Variants in CHSY3 observed in about 807,000 individuals in gnomAD.
CHSY3 encodes the protein N-acetylgalactosaminyl-proteoglycan 3-beta-glucuronosyltransferase 3.
In CHSY3, 35 loss-of-function variants were observed where a neutral mutation model predicts 67.2. The ratio of observed to expected loss-of-function variants is 0.52; its 90% CI spans 0.40 to 0.69. The LOEUF (loss-of-function observed/expected upper bound fraction) is 0.69. CHSY3 is among the 30% of genes least tolerant of loss of function. The pLI, the probability that CHSY3 is intolerant of heterozygous loss-of-function variation, is 0.00. For missense variants in CHSY3, 1,069 were observed against 1,138.5 expected (o/e 0.94, Z 0.88); for synonymous variants, 474 against 434.7 (o/e 1.09, Z -1.12).
intron 2 of CHSY3, among the ~76,000 whole-genome samples, chr5:129,962,441 C>G (rs1484111873): frequency 1.3e-5 from 2 of 152,044 alleles, no homozygotes; most frequent in Non-Finnish European, 2.9e-5. Context: ...TCCAGAGACA[C>G]TGCACAAACT....
chr5:129,914,125 T>C (rs938014559), intron 2 of CHSY3, among the ~76,000 whole-genome samples: 1 of 152,200 alleles, frequency 6.6e-6, no homozygotes, highest in African/African-American at 2.4e-5. Context: ...TCCCTTTTTT[T>C]TTGACACAGA....
intron 2 of CHSY3, among the ~76,000 whole-genome samples, chr5:130,078,676 A>G (rs1442726415): frequency 6.6e-6 from 1 of 152,176 alleles, no homozygotes; most frequent in Non-Finnish European, 1.5e-5. Flanking sequence ...CATAGGATGC[A>G]TAGCTGGTCC....
Position 130,185,574 on chromosome 5 carries a change from A to G in CHSY3, c.2432A>G (p.Tyr811Cys). The change falls in exon 3 of 3, where the codon TAC (tyrosine) becomes TGC (cysteine). Residue 811 changes from tyrosine to cysteine, a missense_variant. By Grantham distance (194) the Tyr-to-Cys change is radical (BLOSUM62 -2). Transcript: ENST00000305031. Reference protein sequence around the residue: ...QGWGLEDVDLYNKVILSGLRP... With the variant: ...QGWGLEDVDLCNKVILSGLRP... ...TGGGGACTAGAAGATGTAGATCTCT[A>G]CAATAAAGTCATTCTATCTGGCTTA... is the stretch of plus-strand genomic sequence containing the variant. 1 of 1,613,288 alleles carries G rather than the reference A, an allele frequency of 6.2e-7. No homozygotes were observed. Among genetic ancestry groups the G allele is most frequent in the Middle Eastern group, 1.6e-4 (1 of 6,062 alleles).
intron 1 of CHSY3, among the ~76,000 whole-genome samples, 188 bp from the exon 2 acceptor site, chr5:129,907,889 T>A (rs1416961711): frequency 6.6e-6 from 1 of 152,224 alleles, no homozygotes; most frequent in East Asian, 1.9e-4. Flanking sequence ...AATTTTAATA[T>A]GTTTAAATTA....
At chr5:130,171,693 A>G (rs1769896912) in intron 2 of CHSY3, among the ~76,000 whole-genome samples, 2 of 151,974 alleles carry the variant, frequency 1.3e-5, no homozygotes, top group Non-Finnish European at 2.9e-5. Flanking sequence ...TAAAATAGCT[A>G]AAAAAAATGA....
At chr5:130,053,120 A>G (rs1765416588) in intron 2 of CHSY3, among the ~76,000 whole-genome samples, 1 of 152,152 alleles carries the variant, frequency 6.6e-6, no homozygotes, top group South Asian at 2.1e-4. Context: ...AAATAGGAAC[A>G]CTTCTAAATT....
intron 2 of CHSY3, among the ~76,000 whole-genome samples, chr5:130,146,498 T>C (rs1769078735): frequency 6.6e-6 from 1 of 152,114 alleles, no homozygotes; most frequent in African/African-American, 2.4e-5. Context: ...AGGCAGAAAT[T>C]ACAATTAGAT....
intron 2 of CHSY3, among the ~76,000 whole-genome samples, chr5:129,941,558 T>G (rs35959012): frequency 0.035 from 5,313 of 152,234 alleles, 126 homozygotes; most frequent in Middle Eastern, 0.054. Flanking sequence ...CATTTAAATT[T>G]TCATACTATG....
At chr5:130,094,807 A>G (rs1766992876) in intron 2 of CHSY3, among the ~76,000 whole-genome samples, 1 of 152,198 alleles carries the variant, frequency 6.6e-6, no homozygotes, top group African/African-American at 2.4e-5. Flanking sequence ...CTGACCTTCC[A>G]TCATTTGGAA....
chr5:130,098,278 TA>T (rs1645604847), intron 2 of CHSY3, among the ~76,000 whole-genome samples: 1 of 152,150 alleles, frequency 6.6e-6, no homozygotes, highest in African/African-American at 2.4e-5. Flanking sequence ...TGCAGTACTT[TA>T]AAAAATCATG....
At chr5:130,001,637 G>A in intron 2 of CHSY3, 3 of 827,268 alleles carry the variant, frequency 3.6e-6, no homozygotes, top group Non-Finnish European at 4.4e-6. Flanking sequence ...TCTAGTTAAG[G>A]AGTAGGATAA....
intron 2 of CHSY3, among the ~76,000 whole-genome samples, chr5:130,092,442 T>TAAA (rs1295396886): frequency 2.0e-4 from 31 of 152,184 alleles, no homozygotes; most frequent in Admixed American, 3.3e-4. Flanking sequence ...GGTTCACACC[T>TAAA]CTTTATAAAA....
intron 2 of CHSY3, among the ~76,000 whole-genome samples, chr5:130,000,888 T>C (rs975961271): frequency 2.0e-5 from 3 of 147,976 alleles, no homozygotes; most frequent in Non-Finnish European, 3.0e-5. Context: ...CTGTCTTCTT[T>C]TTTTTTTTTT....
chr5:130,172,087 T>C (rs1199834757), intron 2 of CHSY3, among the ~76,000 whole-genome samples: 1 of 152,098 alleles, frequency 6.6e-6, no homozygotes, highest in Non-Finnish European at 1.5e-5. Flanking sequence ...TTCTCTAGGA[T>C]TATAGTGTGC....
rs191966598 is a variant in CHSY3 at position 129,967,845 on chromosome 5, A to C, written c.1086+59485A>C. Among the ~76,000 whole-genome samples the C allele has an allele frequency of 9.2e-5, 14 of 151,966 alleles. No individual in the cohort carries two copies. The East Asian group carries it at 2.7e-3, about 29-fold the overall frequency. ...CATAGTAAGGGTTTTTAAATGGCAC[A>C]TCTAGAAATAACATTAATGTCTAGA... On this transcript the variant is annotated intron_variant, in intron 2 of 2. Coordinates refer to ENST00000305031, the MANE Select transcript of CHSY3 (RefSeq NM_175856.5).
intron 2 of CHSY3, among the ~76,000 whole-genome samples, chr5:130,105,436 C>G (rs1767382938): frequency 6.6e-6 from 1 of 151,524 alleles, no homozygotes; most frequent in South Asian, 2.1e-4. Context: ...CAATCCAGAT[C>G]CAACTATATA....
At chr5:130,141,393 A>G in intron 2 of CHSY3, 2 of 375,794 alleles carry the variant, frequency 5.3e-6, no homozygotes. Flanking sequence ...CTGCTTGTCA[A>G]GTTTGAACTC....
At chr5:130,099,130 T>C (rs1219321666) in intron 2 of CHSY3, among the ~76,000 whole-genome samples, 1 of 152,240 alleles carries the variant, frequency 6.6e-6, no homozygotes, top group Non-Finnish European at 1.5e-5. Context: ...TGCAGCTGTA[T>C]ACATCTAAAA....
intron 2 of CHSY3, among the ~76,000 whole-genome samples, chr5:130,018,696 A>G (rs1024246457): frequency 3.3e-5 from 5 of 152,164 alleles, no homozygotes; most frequent in Admixed American, 3.3e-4. Flanking sequence ...TGGTTTAGAT[A>G]TGGTTTGTTT....
Sources: allele counts gnomAD v4.1 joint callset (sites outside exome capture counted in the v4.1 genomes callset), GRCh38; gene constraint gnomAD v4.1.1; transcripts MANE v1.5; gene names NCBI Gene and HGNC (gene_info 2026-07-23, HGNC 2026-07-21).